The following LIX1L variants were observed in gnomAD, a reference collection of about 807,000 sequenced individuals.
LIX1L encodes limb and CNS expressed 1 like.
LIX1L carries 20 observed loss-of-function variants against 34.0 expected under a neutral mutation model. That is an observed-to-expected ratio of 0.59 (90% CI 0.41 to 0.85). LIX1L has a LOEUF of 0.85. Among genes scored for constraint, LIX1L ranks in the 40% least tolerant of loss-of-function variants. The pLI is 0.00. For synonymous variants in LIX1L, 170 were observed against 187.4 expected (o/e 0.91, Z 0.76); for missense variants, 397 against 447.0 (o/e 0.89, Z 1.01).
At chr1:145,946,842 C>T (rs992830802) in intron 2 of LIX1L, among the ~76,000 whole-genome samples, 1 of 152,110 alleles carries the variant, frequency 6.6e-6, no homozygotes, top group East Asian at 1.9e-4. Flanking sequence ...ATATGGAAAA[C>T]AGAACAAAGG....
chr1:145,939,290 G>A (rs1253031241), intron 3 of LIX1L, among the ~76,000 whole-genome samples: 1 of 151,460 alleles, frequency 6.6e-6, no homozygotes, highest in African/African-American at 2.4e-5. Flanking sequence ...CCCAAAGGAA[G>A]ACTATGGAAC....
intron 2 of LIX1L, among the ~76,000 whole-genome samples, chr1:145,945,911 C>A (rs1553759176): frequency 6.8e-6 from 1 of 147,200 alleles, no homozygotes; most frequent in African/African-American, 2.5e-5. Flanking sequence ...CATGGTGAAA[C>A]CCTGTCTCTA....
intron 2 of LIX1L, among the ~76,000 whole-genome samples, chr1:145,946,426 T>C (rs950985284): frequency 3.3e-5 from 5 of 152,060 alleles, no homozygotes; most frequent in Admixed American, 6.5e-5. Context: ...CTCAAACTCC[T>C]GACCTTGTGA....
chr1:145,937,798 A>C, intron 3 of LIX1L, 99 bp from the exon 4 acceptor site: 1 of 750,624 alleles, frequency 1.3e-6, no homozygotes, highest in East Asian at 2.6e-5. Flanking sequence ...CCACATATTT[A>C]ATTCAAAATT....
Position 145,936,570 on chromosome 1 carries a change from T to C in LIX1L, c.772-18A>G. 6.2e-7 allele frequency: 1 copy of C among 1,613,832 alleles called. No individual in the cohort carries two copies. The highest frequency in any genetic ancestry group is 2.2e-5 in the East Asian group (1 of 44,872). ...AACACCTCCTAGTAGGGGAGGGGAA[T>C]GTGAACATCATTGAGAAGGTAAAGG... On this transcript the variant is annotated intron_variant, in intron 5 of 5. Transcript: ENST00000604000.
chr1:145,949,311 A>C (rs587688794), intron 1 of LIX1L, among the ~76,000 whole-genome samples: 5 of 152,318 alleles, frequency 3.3e-5, no homozygotes, highest in African/African-American at 1.2e-4. Flanking sequence ...CCTAGTTAAG[A>C]AGGTCAAAGA....
chr1:145,943,249 T>C (rs1240336438), intron 2 of LIX1L, among the ~76,000 whole-genome samples: 3 of 152,214 alleles, frequency 2.0e-5, no homozygotes, highest in African/African-American at 7.2e-5. Flanking sequence ...GTAAGGTTTT[T>C]TGGATTCCTC....
At chr1:145,947,475 A>G in intron 2 of LIX1L, 144 bp downstream of exon 2, 1 of 842,698 alleles carries the variant, frequency 1.2e-6, no homozygotes, top group Non-Finnish European at 1.9e-6. Flanking sequence ...AATTGGCCTC[A>G]GATGCTTGCC....
chr1:145,945,663 C>T (rs1317392412), intron 2 of LIX1L, among the ~76,000 whole-genome samples: 4 of 149,748 alleles, frequency 2.7e-5, no homozygotes, highest in Non-Finnish European at 4.4e-5. Context: ...CAGGGAGAAT[C>T]GCTTCAACCC....
chr1:145,936,779 T>G (rs782070864), intron 5 of LIX1L, 129 bp downstream of exon 5: 4 of 808,894 alleles, frequency 4.9e-6, no homozygotes, highest in Non-Finnish European at 8.4e-6. Flanking sequence ...AGAGGGTACT[T>G]AGGTAAGGCT....
intron 3 of LIX1L, among the ~76,000 whole-genome samples, chr1:145,938,603 G>A (rs1446955940): frequency 6.8e-6 from 1 of 147,592 alleles, no homozygotes; most frequent in Non-Finnish European, 1.5e-5. Context: ...TTTTTGAGAC[G>A]GAGTCTCATT....
At chr1:145,951,413 C>T (rs1649296679) in intron 1 of LIX1L, among the ~76,000 whole-genome samples, 1 of 152,174 alleles carries the variant, frequency 6.6e-6, no homozygotes, top group South Asian at 2.1e-4. Flanking sequence ...GAAACAAACA[C>T]CCATGTACTA....
In LIX1L at chr1:145,947,421, A is replaced by C. The variant is rs868906942; in HGVS notation, c.456+198T>G. On this transcript the variant is annotated intron_variant, in intron 2 of 5. Transcript: ENST00000604000. ...ACTGCTCAAATTCAAAATGGGTTTGAGTTTTTGAAAGGAAAGCATGCTACT... is the reference window on the plus strand; with the variant it reads ...ACTGCTCAAATTCAAAATGGGTTTGCGTTTTTGAAAGGAAAGCATGCTACT... 8.5e-6 allele frequency: 5 copies of C among 585,324 alleles called. No individual in the cohort carries two copies. In the African/African-American group the frequency reaches 9.3e-5, roughly 11 times the overall value. The allele number at this position is 585,324 out of a possible 1,614,324, so 36.3% of individuals were successfully genotyped here. A position where few individuals can be genotyped will look rare whatever the true frequency, so the allele number is the denominator to read the frequency against.
In LIX1L at chr1:145,936,023, A is replaced by G; in HGVS notation, c.*287T>C. On this transcript the variant is annotated 3_prime_UTR_variant, in exon 6 of 6. Transcript: ENST00000604000. ...AGAGTTAATCTTTTAGTGCTACTGA[A>G]ATGGCTACACAGTTAATCTGGAAGT... The G allele has an allele frequency of 2.6e-6, 1 of 379,476 alleles. No individual in the cohort carries two copies. The highest frequency in any genetic ancestry group is 4.8e-6 in the Non-Finnish European group (1 of 208,342). 23.5% of individuals were successfully genotyped at this position (379,476 alleles called of 1,614,324 possible). A position where few individuals can be genotyped will look rare whatever the true frequency, so the allele number is the denominator to read the frequency against.
chr1:145,957,825 TG>T lies in LIX1L; in HGVS notation c.102del (p.Thr35ProfsTer51). ...LRPGVTGAAAATATPPAGPPP... is the reference protein window; with the variant it reads ...LRPGVTGAAAXTATPPAGPPP... ...GGGGGGCCCGCAGGGGGTGTGGCGGTGGCGGCCGCGGCCCCAGTCACTCCGG... is the reference window on the plus strand; with the variant it reads ...GGGGGGCCCGCAGGGGGTGTGGCGGTGCGGCCGCGGCCCCAGTCACTCCGG... On this transcript the variant is annotated frameshift_variant, in exon 1 of 6. Transcript: ENST00000604000. LOFTEE classifies it high-confidence loss of function. The T allele has an allele frequency of 7.2e-7, 1 of 1,398,536 alleles. No homozygotes were observed. Among genetic ancestry groups the T allele is most frequent in the African/African-American group, 1.5e-5 (1 of 66,946 alleles). 86.6% of individuals were successfully genotyped at this position (1,398,536 alleles called of 1,614,324 possible).
chr1:145,955,518 G>A (rs1359275840), intron 1 of LIX1L, among the ~76,000 whole-genome samples: 2 of 152,140 alleles, frequency 1.3e-5, no homozygotes, highest in Non-Finnish European at 1.5e-5. Context: ...TGTATTCAGG[G>A]GAATACAGCC....
At chr1:145,954,331 T>C (rs974416594) in intron 1 of LIX1L, among the ~76,000 whole-genome samples, 1 of 152,168 alleles carries the variant, frequency 6.6e-6, no homozygotes, top group Admixed American at 6.5e-5. Context: ...AAAGTTGTGA[T>C]AATTTGTTAC....
chr1:145,940,694 G>A (rs1306097322), intron 3 of LIX1L, among the ~76,000 whole-genome samples: 7 of 150,952 alleles, frequency 4.6e-5, no homozygotes, highest in African/African-American at 1.7e-4. Context: ...GGGACTACAG[G>A]CGCGCACCAC....
At position 145,937,054 on chromosome 1, in the gene LIX1L, G is replaced by A. The variant is rs150244644; in HGVS notation, c.694-69C>T. On this transcript the variant is annotated intron_variant, in intron 4 of 5. Transcript: ENST00000604000. ...TTGGGAGGTTGCATCAGAATTACAT[G>A]GGAAACCTTTTACAAAATGGATTTG... is the stretch of plus-strand genomic sequence containing the variant. 3.1e-4 allele frequency: 333 copies of A among 1,072,968 alleles called. 1 individual carries two copies. The African/African-American group carries it at 4.7e-3, about 15-fold the overall frequency. The allele number at this position is 1,072,968 out of a possible 1,614,324, so 66.5% of individuals were successfully genotyped here.
Sources: allele counts gnomAD v4.1 joint callset (sites outside exome capture counted in the v4.1 genomes callset), GRCh38; gene constraint gnomAD v4.1.1; transcripts MANE v1.5; gene names NCBI Gene and HGNC (gene_info 2026-07-23, HGNC 2026-07-21).